PLD5: variants seen among roughly 807,000 people sequenced by gnomAD.
PLD5 encodes the protein inactive phospholipase D5.
Under a neutral mutation model 61.1 loss-of-function variants are expected in PLD5, and 36 were observed. The observed-to-expected ratio is 0.59, with a 90% CI of 0.45 to 0.78. The LOEUF (loss-of-function observed/expected upper bound fraction) is 0.78, where lower values mean the gene tolerates loss of function less well. Ranked by LOEUF, PLD5 falls within the 30% of genes least tolerant of loss-of-function variation. The pLI is 0.00. For missense variants in PLD5, 515 were observed against 644.4 expected (o/e 0.80, Z 2.17); for synonymous variants, 243 against 242.8 (o/e 1.00, Z -0.01).
In PLD5 at chr1:242,285,531, T is replaced by C. The variant is rs1266522368; in HGVS notation, c.495+2831A>G. ...TAATAAGTAAATAAATAAAGCCATG[T>C]GGGATTGGGTCATGGTGGAGGCTAG... is the stretch of plus-strand genomic sequence containing the variant. On this transcript the variant is annotated intron_variant, in intron 3 of 9. Coordinates refer to ENST00000536534, the MANE Select transcript of PLD5 (RefSeq NM_001372062.1). Among the ~76,000 whole-genome samples the C allele has an allele frequency of 2.6e-5, 4 of 151,832 alleles. No homozygotes were observed. The East Asian group carries it at 5.8e-4, about 22-fold the overall frequency.
At chr1:242,390,384 A>G (rs1271562281) in intron 1 of PLD5, among the ~76,000 whole-genome samples, 1 of 152,156 alleles carries the variant, frequency 6.6e-6, no homozygotes, top group African/African-American at 2.4e-5. Flanking sequence ...CTAAAAACAT[A>G]TTTGTTCCCT....
chr1:242,378,868 TA>T (rs1221120010), intron 1 of PLD5, among the ~76,000 whole-genome samples: 12 of 151,358 alleles, frequency 7.9e-5, no homozygotes, highest in East Asian at 1.9e-4. Context: ...AAAAATACGT[TA>T]AAAAAAAGAG....
intron 6 of PLD5, among the ~76,000 whole-genome samples, chr1:242,123,533 G>A (rs543079864): frequency 4.7e-4 from 71 of 151,898 alleles, no homozygotes; most frequent in African/African-American, 1.6e-3. Flanking sequence ...ATTCACACTC[G>A]CTCACACTGG....
chr1:242,122,083 G>C (rs1662425602), intron 6 of PLD5, among the ~76,000 whole-genome samples: 1 of 152,120 alleles, frequency 6.6e-6, no homozygotes, highest in Admixed American at 6.5e-5. Context: ...AGAACTTAAA[G>C]TATAATTTAA....
chr1:242,438,889 A>C (rs1666140373), intron 1 of PLD5, among the ~76,000 whole-genome samples: 1 of 152,184 alleles, frequency 6.6e-6, no homozygotes, highest in Non-Finnish European at 1.5e-5. Flanking sequence ...TTTAGGAGTC[A>C]AAACCTATGC....
At chr1:242,509,477 T>G (rs1668834897) in intron 1 of PLD5, among the ~76,000 whole-genome samples, 1 of 152,266 alleles carries the variant, frequency 6.6e-6, no homozygotes, top group South Asian at 2.1e-4. Flanking sequence ...TAAATGCTAG[T>G]TATCAGCGGG....
At chr1:242,438,708 G>A (rs1040650130) in intron 1 of PLD5, among the ~76,000 whole-genome samples, 2 of 152,104 alleles carry the variant, frequency 1.3e-5, no homozygotes, top group Non-Finnish European at 2.9e-5. Context: ...GATTACAGGC[G>A]TGAGCCACCG....
At chr1:242,129,151 A>AT (rs1393209898) in intron 5 of PLD5, among the ~76,000 whole-genome samples, 1 of 152,136 alleles carries the variant, frequency 6.6e-6, no homozygotes, top group East Asian at 1.9e-4. Flanking sequence ...ATTTTCTCCG[A>AT]TTTTTAATAA....
intron 5 of PLD5, among the ~76,000 whole-genome samples, chr1:242,175,324 C>T (rs1208756588): frequency 6.6e-6 from 1 of 152,176 alleles, no homozygotes; most frequent in Non-Finnish European, 1.5e-5. Context: ...TGTAATCCAT[C>T]ACATAAACAG....
chr1:242,147,325 C>T (rs983840517), intron 5 of PLD5, among the ~76,000 whole-genome samples: 1 of 152,176 alleles, frequency 6.6e-6, no homozygotes, highest in African/African-American at 2.4e-5. Flanking sequence ...TCCATTCATG[C>T]TGTTGTGCAA....
At chr1:242,223,286 G>T (rs1050348678) in intron 4 of PLD5, among the ~76,000 whole-genome samples, 5 of 152,186 alleles carry the variant, frequency 3.3e-5, no homozygotes, top group Non-Finnish European at 5.9e-5. Context: ...CACCCTGGGG[G>T]TTAGGATTTC....
chr1:242,430,571 T>C (rs1503794), intron 1 of PLD5, among the ~76,000 whole-genome samples: 51,461 of 151,902 alleles, frequency 0.34, 9,080 homozygotes, highest in Middle Eastern at 0.47. Context: ...CATGAATAGC[T>C]CATGTGCTTG....
Position 242,124,793 on chromosome 1 carries a change from T to C in PLD5, c.736-128A>G, listed in dbSNP as rs764111369. On this transcript the variant is annotated intron_variant, in intron 5 of 9. Transcript: ENST00000536534. Reference sequence around the variant, plus strand: ...TTCTTGCATTTGAAGTAAGTAGATATAGTTACATTATGGTACATAGAGGTG... The same window carrying C: ...TTCTTGCATTTGAAGTAAGTAGATACAGTTACATTATGGTACATAGAGGTG... The C allele has an allele frequency of 8.0e-5, 59 of 741,636 alleles. No homozygotes were observed. In the African/African-American group the frequency reaches 9.2e-4, roughly 12 times the overall value. 45.9% of individuals were successfully genotyped at this position (741,636 alleles called of 1,614,324 possible). A position where few individuals can be genotyped will look rare whatever the true frequency, so the allele number is the denominator to read the frequency against.
chr1:242,195,485 A>T (rs980111300), intron 5 of PLD5, among the ~76,000 whole-genome samples: 13 of 152,236 alleles, frequency 8.5e-5, no homozygotes, highest in Non-Finnish European at 1.5e-4. Context: ...TCTTAGGGCT[A>T]GATGTAAATG....
intron 1 of PLD5, among the ~76,000 whole-genome samples, chr1:242,455,042 T>C (rs780417388): frequency 1.3e-5 from 2 of 152,188 alleles, no homozygotes; most frequent in Non-Finnish European, 1.5e-5. Flanking sequence ...CTGTTAAAAA[T>C]ACGGGCGTAA....
At chr1:242,403,783 C>A (rs962730231) in intron 1 of PLD5, among the ~76,000 whole-genome samples, 1 of 152,128 alleles carries the variant, frequency 6.6e-6, no homozygotes, top group Admixed American at 6.5e-5. Flanking sequence ...GTGAATGAGC[C>A]CCATCTGGTC....
intron 1 of PLD5, among the ~76,000 whole-genome samples, chr1:242,447,560 TAAG>T (rs1306283446): frequency 1.3e-5 from 2 of 152,238 alleles, no homozygotes; most frequent in Non-Finnish European, 2.9e-5. Flanking sequence ...TGTCTGTCAT[TAAG>T]AAGAGCTCAC....
intron 1 of PLD5, among the ~76,000 whole-genome samples, chr1:242,463,856 G>A (rs954971590): frequency 6.6e-6 from 1 of 151,370 alleles, no homozygotes; most frequent in African/African-American, 2.4e-5. Context: ...TAAAAAAAAA[G>A]AAACAAAAAA....
intron 4 of PLD5, among the ~76,000 whole-genome samples, chr1:242,237,637 C>T (rs1671726084): frequency 1.3e-5 from 2 of 152,086 alleles, no homozygotes; most frequent in East Asian, 1.9e-4. Context: ...CCCTCAGTGC[C>T]CTTGCAGCCC....
Sources: gnomAD v4.1 joint callset for allele counts (sites outside exome capture counted in the v4.1 genomes callset) on GRCh38, gnomAD v4.1.1 for gene constraint, MANE v1.5 for transcripts, NCBI Gene and HGNC (gene_info 2026-07-23, HGNC 2026-07-21) for gene names.